SPATC1L: variants seen among roughly 807,000 people sequenced by gnomAD.
The protein encoded by SPATC1L is spermatogenesis and centriole associated 1 like.
In SPATC1L, 20 loss-of-function variants were observed where a neutral mutation model predicts 21.2. That is an observed-to-expected ratio of 0.94 (90% CI 0.66 to 1.37). The LOEUF (loss-of-function observed/expected upper bound fraction) is 1.37, where lower values mean the gene tolerates loss of function less well. Ranked by LOEUF, SPATC1L falls within the 40% of genes most tolerant of loss-of-function variation. The pLI is 0.00. For synonymous variants in SPATC1L, 290 were observed against 234.5 expected (o/e 1.24, Z -2.16); for missense variants, 499 against 478.7 (o/e 1.04, Z -0.40).
At position 46,171,899 on chromosome 21, in the gene SPATC1L, T is replaced by C. The variant is rs1351348496; in HGVS notation, c.194-3241A>G. ...ATGCTCAATTAGGTTTCAAAATTTG[T>C]CACAACTCTGATGTCAAATTCCTAC... On this transcript the variant is annotated intron_variant, in intron 2 of 4. Coordinates refer to ENST00000291672, the MANE Select transcript of SPATC1L (RefSeq NM_001142854.2). Among the ~76,000 whole-genome samples the C allele has an allele frequency of 2.9e-5, 4 of 136,108 alleles. No individual in the cohort carries two copies. The Admixed American group carries it at 3.2e-4, about 11-fold the overall frequency. 89.3% of individuals were successfully genotyped at this position (136,108 alleles called of 152,430 possible).
At chr21:46,184,127 C>T (rs1343068056) in intron 1 of SPATC1L, among the ~76,000 whole-genome samples, 1 of 152,158 alleles carries the variant, frequency 6.6e-6, no homozygotes, top group East Asian at 1.9e-4. Flanking sequence ...GCATGTCCAC[C>T]CCTCAGACCA....
intron 2 of SPATC1L, among the ~76,000 whole-genome samples, chr21:46,179,654 T>G (rs1284030630): frequency 6.6e-6 from 1 of 152,152 alleles, no homozygotes; most frequent in Non-Finnish European, 1.5e-5. Context: ...TCACCACTGT[T>G]GGAAATCATC....
In SPATC1L at chr21:46,161,332, T is replaced by TGGAACAA; in HGVS notation, c.*40_*46dup. 1 of 1,454,384 alleles carries TGGAACAA rather than the reference T, an allele frequency of 6.9e-7. No homozygotes were observed. The highest frequency in any genetic ancestry group is 1.4e-5 in the South Asian group (1 of 70,264). 90.1% of individuals were successfully genotyped at this position (1,454,384 alleles called of 1,614,324 possible). On this transcript the variant is annotated 3_prime_UTR_variant, in exon 5 of 5. Coordinates refer to ENST00000291672, the MANE Select transcript of SPATC1L (RefSeq NM_001142854.2). Reference sequence around the variant, plus strand: ...CGCAGGAGGCACCGCGGCCCCGGGTTGGAACAAACGCGTTTACTGCAGGCA... The same window carrying TGGAACAA: ...CGCAGGAGGCACCGCGGCCCCGGGTTGGAACAAGGAACAAACGCGTTTACTGCAGGCA...
intron 4 of SPATC1L, 34 bp from the exon 5 acceptor site, chr21:46,161,739 C>G: frequency 2.6e-6 from 4 of 1,523,262 alleles, no homozygotes; most frequent in Non-Finnish European, 3.5e-6. Context: ...GGGTGGGGGG[C>G]TCGGGGCCCT....
intron 2 of SPATC1L, among the ~76,000 whole-genome samples, chr21:46,179,270 G>GC (rs982971135): frequency 1.2e-4 from 18 of 151,890 alleles, no homozygotes; most frequent in Non-Finnish European, 2.4e-4. Context: ...AATGGGCCAG[G>GC]CACGGTGGCT....
intron 2 of SPATC1L, among the ~76,000 whole-genome samples, chr21:46,172,160 G>C (rs1273286509): frequency 2.5e-5 from 3 of 118,432 alleles, no homozygotes; most frequent in Non-Finnish European, 5.4e-5. Flanking sequence ...CAAAGAGCGT[G>C]AGGCGGGGGA....
At chr21:46,168,250 C>T (rs1334436920) in intron 3 of SPATC1L, 58 bp downstream of exon 3, 22 of 1,272,822 alleles carry the variant, frequency 1.7e-5, no homozygotes, top group Middle Eastern at 2.0e-4. Context: ...TCATGCCCTC[C>T]CCACAGCTGC....
At chr21:46,167,552 T>C (rs1457078013) in intron 3 of SPATC1L, among the ~76,000 whole-genome samples, 1 of 152,178 alleles carries the variant, frequency 6.6e-6, no homozygotes, top group Non-Finnish European at 1.5e-5. Context: ...TGGTGGCTCA[T>C]GCCTGTAATC....
At chr21:46,165,195 T>C (rs1050614292) in intron 3 of SPATC1L, among the ~76,000 whole-genome samples, 10 of 152,172 alleles carry the variant, frequency 6.6e-5, no homozygotes, top group East Asian at 1.9e-4. Context: ...CAAGAAGAAA[T>C]AGATACTCTG....
At chr21:46,173,319 G>T (rs1004091715) in intron 2 of SPATC1L, among the ~76,000 whole-genome samples, 1 of 152,098 alleles carries the variant, frequency 6.6e-6, no homozygotes, top group Non-Finnish European at 1.5e-5. Flanking sequence ...CCAGCAGACT[G>T]TGCCTGGCCA....
At chr21:46,175,875 T>C (rs2079629269) in intron 2 of SPATC1L, among the ~76,000 whole-genome samples, 1 of 152,156 alleles carries the variant, frequency 6.6e-6, no homozygotes, top group Non-Finnish European at 1.5e-5. Flanking sequence ...TTCAGGCCAA[T>C]ATATTTGATG....
Position 46,161,527 on chromosome 21 carries a change from C to CA in SPATC1L, c.874_875insT (p.Arg292LeufsTer?). The CA allele has an allele frequency of 6.2e-7, 1 of 1,610,340 alleles. No individual in the cohort carries two copies. Among genetic ancestry groups the CA allele is most frequent in the Non-Finnish European group, 8.5e-7 (1 of 1,178,844 alleles). ...CGGGCTGCTGTGCAGGGGGTTGGCG[C>CA]GCAGGTCGGGCCGCTGCTTCAGGAT... is the stretch of plus-strand genomic sequence containing the variant. On this transcript the variant is annotated frameshift_variant, in exon 5 of 5. Transcript: ENST00000291672. LOFTEE classifies it high-confidence loss of function.
chr21:46,172,104 T>G, intron 2 of SPATC1L, among the ~76,000 whole-genome samples: 1 of 11,862 alleles, frequency 8.4e-5, no homozygotes, highest in African/African-American at 1.5e-4. Context: ...GAGGCAGGAG[T>G]GCAGAGCATG....
chr21:46,162,044 C>G lies in SPATC1L; in HGVS notation c.568G>C (p.Glu190Gln). The G allele has an allele frequency of 1.3e-6, 2 of 1,582,912 alleles. No homozygotes were observed. Among genetic ancestry groups the G allele is most frequent in the Non-Finnish European group, 8.6e-7 (1 of 1,167,132 alleles). Residue 190 changes from glutamate (E) to glutamine (Q), a missense_variant, in exon 4 of 5, where the codon GAG becomes CAG. Transcript: ENST00000291672. ...LNEIQSFAGA[E>Q]KDARVVGEIA... ...TCGCCCACCACGCGCGCGTCCTTCTCGGCGCCCGCGAAGCTCTGGATCTCT... is the reference window on the plus strand; with the variant it reads ...TCGCCCACCACGCGCGCGTCCTTCTGGGCGCCCGCGAAGCTCTGGATCTCT...
At chr21:46,178,570 C>T (rs954664963) in intron 2 of SPATC1L, among the ~76,000 whole-genome samples, 1 of 152,060 alleles carries the variant, frequency 6.6e-6, no homozygotes, top group African/African-American at 2.4e-5. Flanking sequence ...CACTTGTACC[C>T]CTGAACTTAA....
intron 3 of SPATC1L, among the ~76,000 whole-genome samples, chr21:46,163,637 T>C (rs983680899): frequency 6.6e-6 from 1 of 152,236 alleles, no homozygotes; most frequent in Non-Finnish European, 1.5e-5. Context: ...GGCACTCTTG[T>C]TGAAAACCAT....
rs2079487856 is a variant in SPATC1L at position 46,161,468 on chromosome 21, G to A, written c.934C>T (p.Pro312Ser). The stretch of plus-strand genomic sequence containing the variant: ...AGCGAGTCGCCCAGGAACTTGGGGG[G>A]CACCACGTCGATGACCAGCTTGCGC... The part of the protein sequence containing the change: ...ALRKLVIDVV[P>S]PKFLGDSLLL... Residue 312 changes from proline (P) to serine (S), a missense_variant, in exon 5 of 5, where the codon CCC (proline) becomes TCC (serine). Physicochemically the swap from Pro to Ser is moderately conservative, Grantham distance 74. Transcript: ENST00000291672. 10 of 1,596,690 alleles carry A rather than the reference G, an allele frequency of 6.3e-6. No homozygotes were observed. Among genetic ancestry groups the A allele is most frequent in the Non-Finnish European group, 8.6e-6 (10 of 1,169,588 alleles).
At chr21:46,170,934 T>C (rs2079584299) in intron 2 of SPATC1L, among the ~76,000 whole-genome samples, 1 of 149,242 alleles carries the variant, frequency 6.7e-6, no homozygotes, top group Non-Finnish European at 1.5e-5. Context: ...GTGAACATCC[T>C]CTGTGGATGG....
chr21:46,166,478 G>A (rs1460736619), intron 3 of SPATC1L, among the ~76,000 whole-genome samples: 6 of 150,728 alleles, frequency 4.0e-5, no homozygotes, highest in African/African-American at 1.2e-4. Flanking sequence ...ATCAAAAGAC[G>A]GAGTGGCTGA....
Sources: allele counts gnomAD v4.1 joint callset (sites outside exome capture counted in the v4.1 genomes callset), GRCh38; gene constraint gnomAD v4.1.1; transcripts MANE v1.5; gene names NCBI Gene and HGNC (gene_info 2026-07-23, HGNC 2026-07-21).